The following STEAP1B variants were observed in gnomAD, a reference collection of about 807,000 sequenced individuals.
STEAP1B encodes the protein STEAP family member 1B.
A neutral mutation model predicts 27.9 loss-of-function variants in STEAP1B; 13 were observed. That is an observed-to-expected ratio of 0.47 (90% CI 0.30 to 0.74). The LOEUF (loss-of-function observed/expected upper bound fraction) is 0.74, where lower values mean the gene tolerates loss of function less well. Ranked by LOEUF, STEAP1B falls within the 30% of genes least tolerant of loss-of-function variation. The pLI, the probability that STEAP1B is intolerant of heterozygous loss-of-function variation, is 0.06. For missense variants in STEAP1B, 250 were observed against 298.7 expected, an observed-to-expected ratio of 0.84 and a Z score of 1.20; for synonymous variants, 86 against 107.1, an observed-to-expected ratio of 0.80 and a Z score of 1.22.
intron 4 of STEAP1B, 180 bp downstream of exon 4, chr7:22,492,385 C>T (rs1483287045): frequency 4.6e-6 from 2 of 435,372 alleles, no homozygotes; most frequent in African/African-American, 2.3e-5. Context: ...CTAGGAAACA[C>T]TTGTCCTAAT....
chr7:22,467,204 A>T (rs1307642267), intron 4 of STEAP1B, among the ~76,000 whole-genome samples: 1 of 152,222 alleles, frequency 6.6e-6, no homozygotes, highest in Admixed American at 6.5e-5. Flanking sequence ...CACTTTTAGT[A>T]GAAAGCCCCA....
intron 1 of STEAP1B, 119 bp from the exon 2 acceptor site, chr7:22,495,005 AATTGAAATAGTGACTGATTTATAC>A: frequency 3.9e-6 from 2 of 511,108 alleles, no homozygotes; most frequent in Non-Finnish European, 6.8e-6. Context: ...GTACAATAAA[AATTGAAATAGTGACTGATTTATAC>A]ATTTAACTTC....
intron 4 of STEAP1B, among the ~76,000 whole-genome samples, chr7:22,434,242 C>T (rs192786263): frequency 4.6e-5 from 7 of 152,268 alleles, no homozygotes; most frequent in Admixed American, 3.9e-4. Flanking sequence ...GCCGGCTTTC[C>T]GTGTCTGTAC....
At chr7:22,422,885 T>C (rs192444441) in intron 4 of STEAP1B, among the ~76,000 whole-genome samples, 1 of 152,348 alleles carries the variant, frequency 6.6e-6, no homozygotes, top group East Asian at 1.9e-4. Context: ...CTCTAGGAAA[T>C]GCTTATTTTT....
chr7:22,491,122 G>A (rs1562585587), intron 4 of STEAP1B, among the ~76,000 whole-genome samples: 1 of 152,192 alleles, frequency 6.6e-6, no homozygotes, highest in Non-Finnish European at 1.5e-5. Flanking sequence ...AGTGCACATC[G>A]TTTTAGAATT....
intron 4 of STEAP1B, among the ~76,000 whole-genome samples, chr7:22,486,540 C>T (rs1490369003): frequency 6.6e-6 from 1 of 152,028 alleles, no homozygotes; most frequent in Non-Finnish European, 1.5e-5. Flanking sequence ...CTCCAGGCCT[C>T]ACCCACTCAC....
chr7:22,494,741 T>C, intron 2 of STEAP1B, 31 bp downstream of exon 2: 1 of 1,346,514 alleles, frequency 7.4e-7, no homozygotes, highest in South Asian at 1.3e-5. Flanking sequence ...ATGTAAATTA[T>C]TATTTATTAT....
chr7:22,474,025 AG>A (rs1324219477), intron 4 of STEAP1B, among the ~76,000 whole-genome samples: 1 of 152,216 alleles, frequency 6.6e-6, no homozygotes, highest in East Asian at 1.9e-4. Flanking sequence ...TAAAGGTCAA[AG>A]GGGTAATATA....
At chr7:22,436,550 T>TCCACCCC (rs1785257459) in intron 4 of STEAP1B, among the ~76,000 whole-genome samples, 1 of 144,098 alleles carries the variant, frequency 6.9e-6, no homozygotes, top group Admixed American at 7.0e-5. Flanking sequence ...CCTCCCACCC[T>TCCACCCC]CCACCCTCCA....
intron 4 of STEAP1B, among the ~76,000 whole-genome samples, chr7:22,478,089 G>A (rs994820409): frequency 6.6e-6 from 1 of 152,178 alleles, no homozygotes; most frequent in African/African-American, 2.4e-5. Context: ...GGGCGCTCAG[G>A]GGAAGTTGCT....
At chr7:22,480,184 C>T (rs1005616859) in intron 4 of STEAP1B, among the ~76,000 whole-genome samples, 4 of 152,168 alleles carry the variant, frequency 2.6e-5, no homozygotes, top group African/African-American at 9.7e-5. Flanking sequence ...TTTATACTTA[C>T]AAAACAAGAA....
chr7:22,434,812 G>T (rs1026878794), intron 4 of STEAP1B, among the ~76,000 whole-genome samples: 1 of 152,054 alleles, frequency 6.6e-6, no homozygotes, highest in African/African-American at 2.4e-5. Flanking sequence ...AATATTACAA[G>T]GAATAATAAA....
chr7:22,466,776 C>T (rs559224203), intron 4 of STEAP1B, among the ~76,000 whole-genome samples: 6 of 152,256 alleles, frequency 3.9e-5, no homozygotes, highest in African/African-American at 1.4e-4. Context: ...GTTGACAGGG[C>T]ATCCCACCAG....
At chr7:22,484,868 C>T (rs1028123400) in intron 4 of STEAP1B, among the ~76,000 whole-genome samples, 2 of 152,104 alleles carry the variant, frequency 1.3e-5, no homozygotes, top group East Asian at 1.9e-4. Context: ...TTGAGGGGTT[C>T]AAGACTTCAG....
At chr7:22,458,569 C>T (rs974973750) in intron 4 of STEAP1B, among the ~76,000 whole-genome samples, 2 of 152,150 alleles carry the variant, frequency 1.3e-5, no homozygotes, top group African/African-American at 4.8e-5. Context: ...CTTTTTTCTC[C>T]GCTAGAGTCA....
At chr7:22,487,079 C>A (rs1786223566) in intron 4 of STEAP1B, among the ~76,000 whole-genome samples, 1 of 152,194 alleles carries the variant, frequency 6.6e-6, no homozygotes, top group Non-Finnish European at 1.5e-5. Flanking sequence ...TTCTTGGTAA[C>A]AAGAAACTAC....
chr7:22,485,743 C>T (rs968830927), intron 4 of STEAP1B, among the ~76,000 whole-genome samples: 1 of 152,180 alleles, frequency 6.6e-6, no homozygotes, highest in Non-Finnish European at 1.5e-5. Flanking sequence ...ACATAGTTTG[C>T]GTGAAATTCC....
At chr7:22,454,115 A>G (rs1439824057) in intron 4 of STEAP1B, among the ~76,000 whole-genome samples, 2 of 152,240 alleles carry the variant, frequency 1.3e-5, no homozygotes, top group South Asian at 2.1e-4. Flanking sequence ...AATATAACAA[A>G]TGTTTATAAC....
intron 4 of STEAP1B, among the ~76,000 whole-genome samples, chr7:22,425,285 T>C (rs1431401563): frequency 6.6e-6 from 1 of 152,178 alleles, no homozygotes; most frequent in Non-Finnish European, 1.5e-5. Flanking sequence ...AACTAACTGC[T>C]AGATTGGCAG....
Sources: gnomAD v4.1 joint callset for allele counts (sites outside exome capture counted in the v4.1 genomes callset) on GRCh38, gnomAD v4.1.1 for gene constraint, MANE v1.5 for transcripts, NCBI Gene and HGNC (gene_info 2026-07-23, HGNC 2026-07-21) for gene names.